TSPAN1: variants seen among roughly 807,000 people sequenced by gnomAD.
TSPAN1 encodes the protein tetraspanin-1.
In TSPAN1, 23 loss-of-function variants were observed where a neutral mutation model predicts 26.9. The observed-to-expected ratio is 0.85, with a 90% confidence interval of 0.62 to 1.21. TSPAN1 has a LOEUF of 1.21. Ranked by LOEUF, TSPAN1 falls within the 50% of genes most tolerant of loss-of-function variation. TSPAN1 has a pLI of 0.00. For missense variants in TSPAN1, 283 were observed against 298.4 expected (o/e 0.95, Z 0.38); for synonymous variants, 115 against 114.8 (o/e 1.00, Z -0.01).
the TSPAN1 span, chr1:46,194,604 A>G: frequency 6.2e-7 from 1 of 1,614,172 alleles, no homozygotes; most frequent in East Asian, 2.2e-5. Context: ...GGGTCCCCCC[A>G]GGAAGAGAGG....
chr1:46,190,022 C>T (rs1249314173), downstream of TSPAN1: 2 of 1,612,264 alleles, frequency 1.2e-6, no homozygotes, highest in East Asian at 2.2e-5. Context: ...ATAGCCAAGA[C>T]AGGGCCCACT....
At chr1:46,186,325 C>T (rs896709987), downstream of TSPAN1, among the ~76,000 whole-genome samples, 2 of 152,190 alleles carry the variant, frequency 1.3e-5, no homozygotes, top group East Asian at 3.9e-4. Context: ...TTCTGGGAAG[C>T]CCTTCAGGAG....
At chr1:46,188,815 C>T, downstream of TSPAN1, 1 of 1,612,866 alleles carries the variant, frequency 6.2e-7, no homozygotes, top group Non-Finnish European at 8.5e-7. Context: ...GCATGTGGGC[C>T]CCAGCTGGGC....
downstream of TSPAN1, among the ~76,000 whole-genome samples, chr1:46,186,307 T>A (rs1056560909): frequency 1.3e-5 from 2 of 151,964 alleles, no homozygotes; most frequent in Non-Finnish European, 2.9e-5. Context: ...AAAGGGTCAC[T>A]CCTTAGGTTC....
At chr1:46,182,758 G>A (rs956229834) in intron 3 of TSPAN1, among the ~76,000 whole-genome samples, 2 of 152,166 alleles carry the variant, frequency 1.3e-5, no homozygotes, top group Non-Finnish European at 2.9e-5. Flanking sequence ...TGTGGTCTGT[G>A]CCTTGGGCTT....
downstream of TSPAN1, among the ~76,000 whole-genome samples, chr1:46,187,192 A>G (rs1657453140): frequency 6.6e-6 from 1 of 152,202 alleles, no homozygotes; most frequent in Non-Finnish European, 1.5e-5. Context: ...TACTTGCCCC[A>G]GTCCCACAGG....
At chr1:46,192,040 A>G in the TSPAN1 span, 2 of 1,555,956 alleles carry the variant, frequency 1.3e-6, no homozygotes, top group Non-Finnish European at 1.8e-6. Context: ...TTCAGAGTCC[A>G]TGTTCTTGTT....
the TSPAN1 span, chr1:46,192,147 C>A: frequency 6.2e-7 from 1 of 1,613,996 alleles, no homozygotes; most frequent in Non-Finnish European, 8.5e-7. Context: ...GTGGTAGGAT[C>A]GGGAAACGTC....
downstream of TSPAN1, chr1:46,188,629 C>A: frequency 6.6e-7 from 1 of 1,524,416 alleles, no homozygotes; most frequent in African/African-American, 1.4e-5. Context: ...GTATTCTCTC[C>A]ACCACTTCCC....
chr1:46,192,413 G>A, the TSPAN1 span: 5 of 1,614,194 alleles, frequency 3.1e-6, no homozygotes, highest in Non-Finnish European at 4.2e-6. Context: ...GTAGTGCTGG[G>A]TCCTCAGCCG....
chr1:46,192,244 T>C, the TSPAN1 span: 6 of 1,614,174 alleles, frequency 3.7e-6, no homozygotes, highest in Admixed American at 5.0e-5. Flanking sequence ...TGGACCACGA[T>C]GAAGGTTAAG....
intron 3 of TSPAN1, among the ~76,000 whole-genome samples, chr1:46,182,529 G>A (rs988910156): frequency 6.6e-6 from 1 of 151,830 alleles, no homozygotes; most frequent in Non-Finnish European, 1.5e-5. Context: ...GGCCAATATG[G>A]TGAAACCCCG....
At chr1:46,195,833 C>T in the TSPAN1 span, 11 of 1,601,332 alleles carry the variant, frequency 6.9e-6, no homozygotes, top group African/African-American at 2.7e-5. Context: ...GATGAGCACT[C>T]GGCCGGGCGC....
At chr1:46,183,909 G>A in intron 3 of TSPAN1, 1 of 508,234 alleles carries the variant, frequency 2.0e-6, no homozygotes, top group Non-Finnish European at 3.6e-6. Flanking sequence ...GACCCTGGCA[G>A]CAGTGAGGGA....
rs751265546 is a variant in TSPAN1 at position 46,184,592 on chromosome 1, A to C, written c.265-2A>C. 1 of 1,614,156 alleles carries C rather than the reference A, an allele frequency of 6.2e-7. No homozygotes were observed. The highest frequency in any genetic ancestry group is 1.1e-5 in the South Asian group (1 of 91,088). On this transcript the variant is annotated splice_acceptor_variant, in intron 4 of 8. Coordinates refer to ENST00000372003, the MANE Select transcript of TSPAN1 (RefSeq NM_005727.4). LOFTEE classifies it high-confidence loss of function. ...AAACCCAGACCCCTGTTCCCCACTC[A>C]GTTCTTCTTCATCCTCCTCCTCATC...
At chr1:46,194,341 T>C in the TSPAN1 span, 2 of 1,614,200 alleles carry the variant, frequency 1.2e-6, no homozygotes, top group East Asian at 4.5e-5. Context: ...GCCCTCAACT[T>C]TGCTGCAGAA....
chr1:46,193,544 ACCC>A, the TSPAN1 span: 1 of 1,613,808 alleles, frequency 6.2e-7, no homozygotes, highest in Non-Finnish European at 8.5e-7. Context: ...CACCCGAGGC[ACCC>A]CCCAAGTCCT....
At chr1:46,181,399 C>T (rs969546146) in intron 3 of TSPAN1, among the ~76,000 whole-genome samples, 1 of 152,190 alleles carries the variant, frequency 6.6e-6, no homozygotes, top group Non-Finnish European at 1.5e-5. Flanking sequence ...TAGGGGCACC[C>T]CCTCTCTCCT....
chr1:46,190,803 T>C (rs759224058), downstream of TSPAN1: 57 of 1,596,996 alleles, frequency 3.6e-5, no homozygotes, highest in Non-Finnish European at 4.8e-5. Flanking sequence ...GGTATGAGAG[T>C]GAAAATCAGC....
Sources: allele counts gnomAD v4.1 joint callset (sites outside exome capture counted in the v4.1 genomes callset), GRCh38; gene constraint gnomAD v4.1.1; transcripts MANE v1.5; gene names NCBI Gene and HGNC (gene_info 2026-07-23, HGNC 2026-07-21).